ASAP2: variants seen among roughly 807,000 people sequenced by gnomAD.
ASAP2 encodes the protein ArfGAP with SH3 domain, ankyrin repeat and PH domain 2.
A neutral mutation model predicts 131.4 loss-of-function variants in ASAP2; 45 were observed. The observed-to-expected ratio is 0.34, with a 90% confidence interval of 0.27 to 0.44. The LOEUF (loss-of-function observed/expected upper bound fraction) is 0.44, where lower values mean the gene tolerates loss of function less well. ASAP2 is among the 20% of genes least tolerant of loss of function. The pLI is 1.00. For missense variants in ASAP2, 1,011 were observed against 1,297.0 expected (o/e 0.78, Z 3.39); for synonymous variants, 510 against 503.0 (o/e 1.01, Z -0.19).
At chr2:9,346,082 C>T (rs1288788224) in intron 11 of ASAP2, among the ~76,000 whole-genome samples, 4 of 151,976 alleles carry the variant, frequency 2.6e-5, no homozygotes, top group Admixed American at 6.6e-5. Context: ...ATGTGATCAC[C>T]ACCGTACTCC....
chr2:9,402,676 C>G (rs532318199), intron 27 of ASAP2, among the ~76,000 whole-genome samples: 1 of 152,186 alleles, frequency 6.6e-6, no homozygotes, highest in Non-Finnish European at 1.5e-5. Flanking sequence ...CAGCACCCCC[C>G]ACCCACTCCA....
chr2:9,379,313 G>T (rs1469279567), intron 19 of ASAP2, among the ~76,000 whole-genome samples: 3 of 152,328 alleles, frequency 2.0e-5, no homozygotes, highest in Middle Eastern at 6.8e-3. Flanking sequence ...CAAAGGGTGG[G>T]TCTTGCAGCT....
intron 1 of ASAP2, 127 bp from the exon 2 acceptor site, chr2:9,279,190 C>A: frequency 1.2e-6 from 1 of 825,884 alleles, no homozygotes; most frequent in Non-Finnish European, 2.0e-6. Flanking sequence ...GCAGAGGAGG[C>A]TTGTCTCCCA....
chr2:9,228,214 ATTAT>A lies in ASAP2; in HGVS notation c.126+20989_126+20992del, dbSNP rs1231318423. ...AACCTTGAAGAAGTAATAATCTTGA[ATTAT>A]TTATCATTGGAATGAATCATCCTTT... On this transcript the variant is annotated intron_variant, in intron 1 of 27. Transcript: ENST00000281419. Among the ~76,000 whole-genome samples, 4 of 152,318 alleles carry A rather than the reference ATTAT, an allele frequency of 2.6e-5. No individual in the cohort carries two copies. In the East Asian group the frequency reaches 7.7e-4, roughly 29 times the overall value.
chr2:9,302,296 C>T (rs991267195), intron 3 of ASAP2, among the ~76,000 whole-genome samples: 5 of 151,464 alleles, frequency 3.3e-5, no homozygotes, highest in Admixed American at 3.3e-4. Flanking sequence ...CCTCAGCCTC[C>T]CGAGTAGCTG....
At chr2:9,211,727 G>A (rs951339483) in intron 1 of ASAP2, among the ~76,000 whole-genome samples, 3 of 152,308 alleles carry the variant, frequency 2.0e-5, no homozygotes, top group South Asian at 4.1e-4. Context: ...GGGCCCTGCC[G>A]TCCATGGGAC....
chr2:9,319,423 A>G (rs958573607), intron 4 of ASAP2, among the ~76,000 whole-genome samples: 2 of 152,174 alleles, frequency 1.3e-5, no homozygotes, highest in Non-Finnish European at 2.9e-5. Flanking sequence ...AGCTGTTCAG[A>G]CACATTCCCC....
At chr2:9,283,654 A>G (rs1285915270) in intron 2 of ASAP2, among the ~76,000 whole-genome samples, 1 of 152,128 alleles carries the variant, frequency 6.6e-6, no homozygotes, top group Admixed American at 6.6e-5. Context: ...AATACCATAG[A>G]TTGGTGGGTT....
intron 11 of ASAP2, among the ~76,000 whole-genome samples, chr2:9,347,419 C>T (rs935916388): frequency 6.6e-6 from 1 of 152,140 alleles, no homozygotes; most frequent in Admixed American, 6.5e-5. Context: ...CCTGAGTGTG[C>T]TCGTTTACAG....
intron 14 of ASAP2, among the ~76,000 whole-genome samples, chr2:9,357,188 A>AT (rs1257365654): frequency 6.6e-6 from 1 of 151,722 alleles, no homozygotes; most frequent in East Asian, 1.9e-4. Flanking sequence ...AAAAAAAAAA[A>AT]AGAATACCGA....
intron 17 of ASAP2, 93 bp from the exon 18 acceptor site, chr2:9,376,815 C>G (rs1165909199): frequency 4.3e-6 from 5 of 1,152,286 alleles, no homozygotes; most frequent in Non-Finnish European, 6.4e-6. Flanking sequence ...AGATAAAAGA[C>G]TTTTGGAAGA....
chr2:9,385,937 C>T (rs985513973), intron 21 of ASAP2, among the ~76,000 whole-genome samples: 2 of 152,244 alleles, frequency 1.3e-5, no homozygotes, highest in African/African-American at 4.8e-5. Context: ...CTGCTTCATA[C>T]GCAGGGGTGA....
rs1661209644 is a variant in ASAP2, at chr2:9,207,569, C to T, written c.126+339C>T. 1.3e-5 allele frequency among the ~76,000 whole-genome samples: 2 copies of T among 152,214 alleles called. No individual in the cohort carries two copies. The highest frequency in any genetic ancestry group is 4.1e-4 in the South Asian group (2 of 4,838). ...CGCTGCCCGCCGCCGCCCGCCGCCG[C>T]CCGGGGTCTTTGGTACCCGGTGCGG... On this transcript the variant is annotated intron_variant, in intron 1 of 27. Transcript: ENST00000281419. The surrounding 1 kb of genome is among the most constrained non-coding windows in gnomAD (Gnocchi z 4.1).
intron 16 of ASAP2, among the ~76,000 whole-genome samples, chr2:9,370,846 G>C (rs1303697232): frequency 6.6e-6 from 1 of 152,136 alleles, no homozygotes; most frequent in Non-Finnish European, 1.5e-5. Context: ...CGAGCCTGAG[G>C]GTCCCGCTTG....
chr2:9,365,302 C>T (rs1673382031), intron 15 of ASAP2, among the ~76,000 whole-genome samples: 1 of 152,164 alleles, frequency 6.6e-6, no homozygotes. Flanking sequence ...CTCCACCCTT[C>T]GGGGATCCAA....
chr2:9,270,810 T>TTTTTTTTTTTTTTTTTTAG (rs1666314848), intron 1 of ASAP2, among the ~76,000 whole-genome samples: 1 of 108,114 alleles, frequency 9.2e-6, no homozygotes, highest in Admixed American at 9.9e-5. Context: ...TTTTTTTTTT[T>TTTTTTTTTTTTTTTTTTAG]GAGACGGAGT....
At position 9,352,248 on chromosome 2, in the gene ASAP2, A is replaced by C. The variant is rs78475568; in HGVS notation, c.1111+1353A>C. Among the ~76,000 whole-genome samples the C allele has an allele frequency of 6.8e-3, 912 of 133,412 alleles. 11 individuals carry two copies. Among genetic ancestry groups the C allele is most frequent in the African/African-American group, 0.027 (880 of 32,978 alleles). The allele number at this position is 133,412 out of a possible 152,430, so 87.5% of individuals were successfully genotyped here. A position where few individuals can be genotyped will look rare whatever the true frequency, so the allele number is the denominator to read the frequency against. On this transcript the variant is annotated intron_variant, in intron 12 of 27. Coordinates refer to ENST00000281419, the MANE Select transcript of ASAP2 (RefSeq NM_003887.3). ...ACACACACACACACACACACACACA[A>C]ACACACACACCACTGCTGGGATACC... is the stretch of plus-strand genomic sequence containing the variant.
At chr2:9,397,226 G>A (rs932841651) in intron 24 of ASAP2, among the ~76,000 whole-genome samples, 3 of 152,104 alleles carry the variant, frequency 2.0e-5, no homozygotes, top group Admixed American at 6.6e-5. Flanking sequence ...AACAAATCAC[G>A]TGTTGAAGTC....
intron 1 of ASAP2, among the ~76,000 whole-genome samples, chr2:9,266,186 G>C (rs1572294828): frequency 8.0e-6 from 1 of 124,556 alleles, no homozygotes; most frequent in African/African-American, 3.3e-5. Context: ...TCACTCTGTT[G>C]CCCAGGCTAG....
Sources: gnomAD v4.1 joint callset for allele counts (sites outside exome capture counted in the v4.1 genomes callset) on GRCh38, gnomAD v4.1.1 for gene constraint, Gnocchi (gnomAD v3.1) non-coding constraint, MANE v1.5 for transcripts, NCBI Gene and HGNC (gene_info 2026-07-23, HGNC 2026-07-21) for gene names.